PRPSAP2: variants seen among roughly 807,000 people sequenced by gnomAD.
The protein encoded by PRPSAP2 is phosphoribosyl pyrophosphate synthetase associated protein 2.
Under a neutral mutation model 40.6 loss-of-function variants are expected in PRPSAP2, and 24 were observed. The ratio of observed to expected loss-of-function variants is 0.59; its 90% confidence interval spans 0.43 to 0.83. The LOEUF (loss-of-function observed/expected upper bound fraction) is 0.83, where lower values mean the gene tolerates loss of function less well. PRPSAP2 is among the 40% of genes least tolerant of loss of function. The probability of loss-of-function intolerance (pLI) is 0.00; values close to 1 mark genes in which losing one functional copy is unlikely to be tolerated. For synonymous variants in PRPSAP2, 149 were observed against 164.7 expected, an observed-to-expected ratio of 0.90 and a Z score of 0.73; for missense variants, 292 against 465.6, an observed-to-expected ratio of 0.63 and a Z score of 3.43.
chr17:18,914,397 A>G (rs534883559), intron 9 of PRPSAP2, among the ~76,000 whole-genome samples: 1 of 149,660 alleles, frequency 6.7e-6, no homozygotes, highest in East Asian at 2.0e-4. Context: ...AGCTGGGACT[A>G]TAGATGTGTG....
intron 8 of PRPSAP2, among the ~76,000 whole-genome samples, chr17:18,900,274 G>T (rs1006512721): frequency 6.6e-6 from 1 of 152,144 alleles, no homozygotes; most frequent in Non-Finnish European, 1.5e-5. Flanking sequence ...TGCCTGCCTC[G>T]GCCTCCCAAA....
At chr17:18,895,832 G>T (rs1279380362) in intron 8 of PRPSAP2, among the ~76,000 whole-genome samples, 1 of 151,970 alleles carries the variant, frequency 6.6e-6, no homozygotes. Flanking sequence ...CACCATGTTG[G>T]CTGGGCTGGT....
Position 18,867,418 on chromosome 17 carries a change from A to G in PRPSAP2, c.172+84A>G, listed in dbSNP as rs533309539. 1.0e-4 allele frequency: 152 copies of G among 1,477,482 alleles called. 1 individual carries two copies. The South Asian group carries it at 1.7e-3, about 17-fold the overall frequency. 91.5% of individuals were successfully genotyped at this position (1,477,482 alleles called of 1,614,324 possible). A position where few individuals can be genotyped will look rare whatever the true frequency, so the allele number is the denominator to read the frequency against. On this transcript the variant is annotated intron_variant, in intron 4 of 11. Transcript: ENST00000268835. ...CCGTCCTTCATCCTTTACTATTGAAACGATTTGATTCAGTTGTACATTTCC... is the reference window on the plus strand; with the variant it reads ...CCGTCCTTCATCCTTTACTATTGAAGCGATTTGATTCAGTTGTACATTTCC...
intron 10 of PRPSAP2, among the ~76,000 whole-genome samples, chr17:18,924,461 T>C (rs925394185): frequency 7.9e-5 from 12 of 152,232 alleles, no homozygotes; most frequent in African/African-American, 2.7e-4. Context: ...AAAATGCTAT[T>C]GTTTATTTTA....
At chr17:18,914,249 C>CTTTTTTTTTTTTTTTTTTTTTTTTTTT (rs60892883) in intron 9 of PRPSAP2, among the ~76,000 whole-genome samples, 3 of 48,088 alleles carry the variant, frequency 6.2e-5, no homozygotes, top group Non-Finnish European at 6.9e-5. Flanking sequence ...CATGTTTTTG[C>CTTTTTTTTTTTTTTTTTTTTTTTTTTT]TTTTTTTTTT....
chr17:18,922,463 G>A (rs1418993897), intron 9 of PRPSAP2, among the ~76,000 whole-genome samples: 1 of 151,774 alleles, frequency 6.6e-6, no homozygotes, highest in East Asian at 1.9e-4. Context: ...ACTTTTTATT[G>A]TAGCCAGCCC....
intron 8 of PRPSAP2, among the ~76,000 whole-genome samples, chr17:18,904,034 A>T (rs757360255): frequency 4.6e-5 from 7 of 152,174 alleles, no homozygotes; most frequent in Non-Finnish European, 7.3e-5. Context: ...GCTGACTTTT[A>T]TCAGTCAGGA....
intron 8 of PRPSAP2, among the ~76,000 whole-genome samples, chr17:18,903,816 C>T (rs2040424211): frequency 6.6e-6 from 1 of 152,172 alleles, no homozygotes; most frequent in Admixed American, 6.6e-5. Context: ...TTCTGGTTGT[C>T]TTATATCCCG....
chr17:18,916,637 C>T (rs2041335958), intron 9 of PRPSAP2, among the ~76,000 whole-genome samples: 1 of 152,178 alleles, frequency 6.6e-6, no homozygotes, highest in Non-Finnish European at 1.5e-5. Context: ...CCACCTCAGC[C>T]TCCCAAAGTA....
At chr17:18,867,211 C>A (rs771425035) in intron 3 of PRPSAP2, 71 bp from the exon 4 acceptor site, 2 of 1,390,018 alleles carry the variant, frequency 1.4e-6, no homozygotes, top group East Asian at 2.3e-5. Context: ...ATTTACGAGT[C>A]TCCTTAAATA....
At chr17:18,881,955 C>T (rs779517401) in intron 6 of PRPSAP2, among the ~76,000 whole-genome samples, 4 of 151,402 alleles carry the variant, frequency 2.6e-5, no homozygotes, top group Admixed American at 6.6e-5. Flanking sequence ...ATTCTTCTGC[C>T]TCAGCCTCCC....
rs529965036 is a variant in PRPSAP2, at chr17:18,929,716, T to C, written c.951+759T>C. The C allele has an allele frequency of 2.0e-5, 3 of 152,350 alleles. No individual in the cohort carries two copies. In the South Asian group the frequency reaches 6.2e-4, roughly 32 times the overall value. The allele number at this position is 152,350 out of a possible 1,614,324, so 9.4% of individuals were successfully genotyped here. On this transcript the variant is annotated intron_variant, in intron 11 of 11. Transcript: ENST00000268835. ...CATTTTATGATCAAATAATGCTGTGTTACATGGATAGTCCACATTTTGTCT... is the reference window on the plus strand; with the variant it reads ...CATTTTATGATCAAATAATGCTGTGCTACATGGATAGTCCACATTTTGTCT...
At chr17:18,883,498 G>A (rs985491405) in intron 7 of PRPSAP2, among the ~76,000 whole-genome samples, 1 of 151,048 alleles carries the variant, frequency 6.6e-6, no homozygotes, top group Non-Finnish European at 1.5e-5. Context: ...CACCTCCCGG[G>A]TTCAAGCAAT....
chr17:18,884,538 C>G (rs778260847), intron 7 of PRPSAP2, among the ~76,000 whole-genome samples: 15 of 152,096 alleles, frequency 9.9e-5, no homozygotes, highest in Non-Finnish European at 1.8e-4. Context: ...CAGAATCTTG[C>G]TGTGTTACCC....
chr17:18,886,639 T>A (rs1253235603), intron 7 of PRPSAP2, among the ~76,000 whole-genome samples: 1 of 152,138 alleles, frequency 6.6e-6, no homozygotes, highest in African/African-American at 2.4e-5. Flanking sequence ...ATTACAGGTG[T>A]GAGCCACCGC....
chr17:18,926,076 C>T (rs986406550), intron 10 of PRPSAP2, among the ~76,000 whole-genome samples: 1 of 151,304 alleles, frequency 6.6e-6, no homozygotes, highest in Non-Finnish European at 1.5e-5. Flanking sequence ...CCAGCCCAGG[C>T]GACTGAGCAA....
At chr17:18,901,821 A>G (rs1176564708) in intron 8 of PRPSAP2, among the ~76,000 whole-genome samples, 4 of 152,126 alleles carry the variant, frequency 2.6e-5, no homozygotes, top group Non-Finnish European at 4.4e-5. Context: ...TTGCTCTGTC[A>G]TCCAGGCTGG....
chr17:18,865,881 CA>C lies in PRPSAP2; in HGVS notation c.51del (p.Gly18ValfsTer25). On this transcript the variant is annotated frameshift_variant, in exon 3 of 12. Coordinates refer to ENST00000268835, the MANE Select transcript of PRPSAP2 (RefSeq NM_002767.4). LOFTEE classifies it high-confidence loss of function. ...AATTAGAAACCAAGATGAACATAAC[CA>C]AAGGTGGTCTGGTGTTGTTTTCAGC... ...PELETKMNIT[K>X]GGLVLFSANS... 6.5e-7 allele frequency: 1 copy of C among 1,546,814 alleles called. No individual in the cohort carries two copies. The highest frequency in any genetic ancestry group is 1.8e-5 in the Admixed American group (1 of 56,490).
At chr17:18,906,910 A>G (rs574440681) in intron 8 of PRPSAP2, among the ~76,000 whole-genome samples, 6 of 152,262 alleles carry the variant, frequency 3.9e-5, no homozygotes, top group South Asian at 2.1e-4. Flanking sequence ...TGTGTAGTGC[A>G]TATAGGAAAC....
Sources: allele counts gnomAD v4.1 joint callset (sites outside exome capture counted in the v4.1 genomes callset), GRCh38; gene constraint gnomAD v4.1.1; transcripts MANE v1.5; gene names NCBI Gene and HGNC (gene_info 2026-07-23, HGNC 2026-07-21).